The following COL15A1 variants were observed in gnomAD, a reference collection of about 807,000 sequenced individuals.
COL15A1 encodes collagen alpha-1(XV) chain.
Under a neutral mutation model 165.9 loss-of-function variants are expected in COL15A1, and 111 were observed. That is an observed-to-expected ratio of 0.67 (90% confidence interval 0.57 to 0.78). COL15A1 has a LOEUF of 0.78. Ranked by LOEUF, COL15A1 falls within the 30% of genes least tolerant of loss-of-function variation. COL15A1 has a pLI of 0.00. For missense variants in COL15A1, 1,745 were observed against 1,789.7 expected, an observed-to-expected ratio of 0.98 and a Z score of 0.45; for synonymous variants, 659 against 674.8, an observed-to-expected ratio of 0.98 and a Z score of 0.36.
chr9:98,973,517 C>A (rs576061544), intron 2 of COL15A1, among the ~76,000 whole-genome samples: 1 of 152,302 alleles, frequency 6.6e-6, no homozygotes, highest in East Asian at 1.9e-4. Context: ...TTTCTAAGAA[C>A]CTCTCGCACC....
At chr9:99,000,469 G>T (rs1413176443) in intron 6 of COL15A1, among the ~76,000 whole-genome samples, 2 of 151,514 alleles carry the variant, frequency 1.3e-5, no homozygotes, top group African/African-American at 4.9e-5. Flanking sequence ...TATCAACAAT[G>T]AACATTTATC....
At chr9:99,016,546 G>T (rs186945551) in intron 11 of COL15A1, among the ~76,000 whole-genome samples, 1 of 152,334 alleles carries the variant, frequency 6.6e-6, no homozygotes. Flanking sequence ...CAAATCCGTT[G>T]ATTTCTTTGG....
At chr9:99,017,375 C>T (rs1261438777) in intron 11 of COL15A1, among the ~76,000 whole-genome samples, 2 of 152,182 alleles carry the variant, frequency 1.3e-5, no homozygotes, top group Non-Finnish European at 2.9e-5. Flanking sequence ...AGCTGAAGTC[C>T]TCATCCATGA....
At chr9:99,054,478 G>T in intron 31 of COL15A1, 98 bp from the exon 32 acceptor site, 1 of 1,346,276 alleles carries the variant, frequency 7.4e-7, no homozygotes, top group South Asian at 1.5e-5. Flanking sequence ...AGTGGACTTT[G>T]CTAAATGAGC....
chr9:99,046,271 C>T (rs1839490424), intron 26 of COL15A1, among the ~76,000 whole-genome samples: 1 of 152,142 alleles, frequency 6.6e-6, no homozygotes, highest in Non-Finnish European at 1.5e-5. Context: ...CTTATAACGC[C>T]TTCTCAAATT....
rs139017966 is a variant in COL15A1 at position 99,010,727 on chromosome 9, C to T, written c.1354-4690C>T. Among the ~76,000 whole-genome samples the T allele has an allele frequency of 1.2e-3, 181 of 152,306 alleles. 1 individual carries two copies. Among genetic ancestry groups the T allele is most frequent in the African/African-American group, 4.0e-3 (167 of 41,578 alleles). ...GAGTTGGTCACGTCCCATGGGCCTT[C>T]GGCTCCCTTCACAGAAAGTTATATG... On this transcript the variant is annotated intron_variant, in intron 9 of 41. Coordinates refer to ENST00000375001, the MANE Select transcript of COL15A1 (RefSeq NM_001855.5).
intron 9 of COL15A1, among the ~76,000 whole-genome samples, chr9:99,010,103 C>T (rs533763138): frequency 2.0e-5 from 3 of 152,290 alleles, no homozygotes; most frequent in African/African-American, 2.4e-5. Context: ...CTATGTCTCA[C>T]GAACGCAGTT....
intron 2 of COL15A1, among the ~76,000 whole-genome samples, chr9:98,976,910 T>G (rs1301175178): frequency 3.3e-5 from 5 of 152,044 alleles, no homozygotes; most frequent in East Asian, 1.9e-4. Context: ...GAGGAGGTGA[T>G]GACATTGAAG....
In COL15A1 at chr9:98,985,922, CG is replaced by C; in HGVS notation, c.460del (p.Val154CysfsTer3). 1 of 1,613,960 alleles carries C rather than the reference CG, an allele frequency of 6.2e-7. No individual in the cohort carries two copies. Among genetic ancestry groups the C allele is most frequent in the Non-Finnish European group, 8.5e-7 (1 of 1,180,026 alleles). ...GTGTCCCAAGAGGCTGCTGCCTTCT[CG>C]GTGCCTGTGATGACCCACAGGTGGA... is the stretch of plus-strand genomic sequence containing the variant. ...SHVSQEAAAF[S>X]VPVMTHRWNR... On this transcript the variant is annotated frameshift_variant, in exon 3 of 42. Coordinates refer to ENST00000375001, the MANE Select transcript of COL15A1 (RefSeq NM_001855.5). LOFTEE classifies it high-confidence loss of function.
intron 39 of COL15A1, among the ~76,000 whole-genome samples, 178 bp from the exon 40 acceptor site, chr9:99,066,704 C>G (rs1443370916): frequency 6.9e-6 from 1 of 145,814 alleles, no homozygotes; most frequent in South Asian, 2.3e-4. Context: ...AGCTCTCCTT[C>G]CCCGGAAATG....
chr9:98,961,410 T>C (rs925050613), intron 2 of COL15A1, among the ~76,000 whole-genome samples: 1 of 151,314 alleles, frequency 6.6e-6, no homozygotes, highest in Non-Finnish European at 1.5e-5. Flanking sequence ...GTCAGGAGAG[T>C]CTCCCCAAGG....
chr9:99,001,504 G>A (rs1419847291), intron 7 of COL15A1, among the ~76,000 whole-genome samples: 1 of 152,130 alleles, frequency 6.6e-6, no homozygotes, highest in African/African-American at 2.4e-5. Flanking sequence ...AGCTCTCTCA[G>A]TCACTATCTG....
chr9:99,024,276 TG>T (rs199994124), intron 14 of COL15A1, among the ~76,000 whole-genome samples: 2,467 of 141,000 alleles, frequency 0.017, 269 homozygotes, highest in African/African-American at 0.058. Flanking sequence ...CAGTTTTTTT[TG>T]TTTTTTTGTT....
intron 2 of COL15A1, among the ~76,000 whole-genome samples, chr9:98,983,495 C>T (rs1443329899): frequency 2.0e-5 from 3 of 152,208 alleles, no homozygotes; most frequent in Non-Finnish European, 4.4e-5. Flanking sequence ...CCAGTCATCT[C>T]ATCTTCCCAA....
At chr9:99,049,335 T>C (rs1001634355) in intron 28 of COL15A1, among the ~76,000 whole-genome samples, 1 of 152,256 alleles carries the variant, frequency 6.6e-6, no homozygotes. Flanking sequence ...AATGCACTGA[T>C]AGGGGAGCCT....
chr9:99,022,394 A>G (rs1253496089), intron 13 of COL15A1, among the ~76,000 whole-genome samples: 3 of 152,160 alleles, frequency 2.0e-5, no homozygotes, highest in Non-Finnish European at 4.4e-5. Flanking sequence ...AGCTGGACTC[A>G]TTACCCATGC....
intron 2 of COL15A1, among the ~76,000 whole-genome samples, chr9:98,969,682 A>G (rs1838014625): frequency 6.6e-6 from 1 of 152,212 alleles, no homozygotes; most frequent in Non-Finnish European, 1.5e-5. Context: ...AGATGGGCCC[A>G]AGGTCACTGA....
chr9:99,008,899 T>G (rs1838804314), intron 9 of COL15A1, among the ~76,000 whole-genome samples: 1 of 152,218 alleles, frequency 6.6e-6, no homozygotes, highest in South Asian at 2.1e-4. Context: ...CATGAGCCAC[T>G]GCGCCTGGCT....
chr9:98,987,259 C>T, intron 3 of COL15A1, 35 bp from the exon 4 acceptor site: 1 of 1,603,226 alleles, frequency 6.2e-7, no homozygotes, highest in Non-Finnish European at 8.5e-7. Flanking sequence ...TGTGTACGTG[C>T]AAACCGTGGC....
Sources: allele counts gnomAD v4.1 joint callset (sites outside exome capture counted in the v4.1 genomes callset), GRCh38; gene constraint gnomAD v4.1.1; transcripts MANE v1.5; gene names NCBI Gene and HGNC (gene_info 2026-07-23, HGNC 2026-07-21).